Variants in OSBPL10 observed in about 807,000 individuals in gnomAD.
OSBPL10 encodes oxysterol binding protein like 10, also known as oxysterol-binding protein-related protein 10.
In OSBPL10, 49 loss-of-function variants were observed where a neutral mutation model predicts 81.7. That is an observed-to-expected ratio of 0.60 (90% CI 0.48 to 0.76). OSBPL10 has a LOEUF of 0.76. Ranked by LOEUF, OSBPL10 falls within the 30% of genes least tolerant of loss-of-function variation. The pLI is 0.00. For missense variants in OSBPL10, 923 were observed against 987.8 expected (o/e 0.93, Z 0.88); for synonymous variants, 419 against 383.6 (o/e 1.09, Z -1.08).
chr3:31,823,994 G>C (rs1008623213), intron 4 of OSBPL10, among the ~76,000 whole-genome samples: 1 of 152,044 alleles, frequency 6.6e-6, no homozygotes, highest in Non-Finnish European at 1.5e-5. Context: ...TGGAACCACA[G>C]GTTCATGCCA....
At chr3:31,923,770 G>C (rs1377842984) in intron 1 of OSBPL10, among the ~76,000 whole-genome samples, 1 of 152,140 alleles carries the variant, frequency 6.6e-6, no homozygotes, top group East Asian at 1.9e-4. Flanking sequence ...CTCAATGACA[G>C]AGCGAGATCC....
At chr3:31,710,007 A>G (rs909417642) in intron 6 of OSBPL10, among the ~76,000 whole-genome samples, 2 of 152,238 alleles carry the variant, frequency 1.3e-5, no homozygotes, top group Non-Finnish European at 2.9e-5. Flanking sequence ...CAGGAAGCTC[A>G]TGAGTATTTG....
chr3:31,979,771 C>A (rs1184097660), intron 1 of OSBPL10, among the ~76,000 whole-genome samples: 1 of 151,896 alleles, frequency 6.6e-6, no homozygotes, highest in Non-Finnish European at 1.5e-5. Context: ...GTCTTCCTCA[C>A]GATGGCAGAT....
intron 8 of OSBPL10, among the ~76,000 whole-genome samples, chr3:31,680,959 C>G (rs889067374): frequency 3.9e-5 from 6 of 152,164 alleles, no homozygotes; most frequent in Non-Finnish European, 8.8e-5. Flanking sequence ...ATACTGCACT[C>G]TTACAGAAGA....
chr3:31,766,985 AG>A, intron 4 of OSBPL10, among the ~76,000 whole-genome samples: 1 of 152,284 alleles, frequency 6.6e-6, no homozygotes, highest in Middle Eastern at 3.4e-3. Flanking sequence ...GTTATAGAGG[AG>A]ATTAAAAAGA....
At chr3:31,799,678 C>T (rs187854321) in intron 4 of OSBPL10, among the ~76,000 whole-genome samples, 99 of 152,268 alleles carry the variant, frequency 6.5e-4, no homozygotes, top group African/African-American at 2.1e-3. Context: ...AATAAAGCCT[C>T]AAGGAACTTA....
intron 4 of OSBPL10, among the ~76,000 whole-genome samples, chr3:31,771,823 C>A (rs542179790): frequency 5.6e-4 from 85 of 152,308 alleles, no homozygotes; most frequent in African/African-American, 2.0e-3. Flanking sequence ...TCCCGGCCTT[C>A]TCCCTATAAC....
chr3:31,937,258 G>A (rs1697400599), intron 1 of OSBPL10, among the ~76,000 whole-genome samples: 1 of 151,292 alleles, frequency 6.6e-6, no homozygotes, highest in Non-Finnish European at 1.5e-5. Context: ...CACCCAGCCT[G>A]GGCAAGAGAC....
At chr3:31,953,552 T>C (rs1426773322) in intron 1 of OSBPL10, among the ~76,000 whole-genome samples, 38 of 151,932 alleles carry the variant, frequency 2.5e-4, no homozygotes, top group Admixed American at 2.5e-3. Flanking sequence ...GGACTACAGA[T>C]GCATGCCACC....
chr3:31,927,275 AT>A (rs1391870785), intron 1 of OSBPL10, among the ~76,000 whole-genome samples: 1 of 152,254 alleles, frequency 6.6e-6, no homozygotes, highest in Non-Finnish European at 1.5e-5. Flanking sequence ...CGTCACTATT[AT>A]ATGTAAAAGA....
chr3:31,871,743 GC>G (rs1559499945), intron 3 of OSBPL10, among the ~76,000 whole-genome samples: 1 of 152,154 alleles, frequency 6.6e-6, no homozygotes, highest in Non-Finnish European at 1.5e-5. Flanking sequence ...TGTGCCTGTG[GC>G]CCCAGCTGCT....
chr3:31,748,577 C>G (rs560635749), intron 4 of OSBPL10, among the ~76,000 whole-genome samples: 37 of 146,500 alleles, frequency 2.5e-4, no homozygotes, highest in African/African-American at 9.3e-4. Flanking sequence ...GAAGGGAAAT[C>G]TGGGGCTGGT....
intron 1 of OSBPL10, among the ~76,000 whole-genome samples, chr3:31,962,870 G>A (rs35164829): frequency 7.2e-5 from 11 of 152,066 alleles, no homozygotes; most frequent in African/African-American, 1.4e-4. Context: ...CCTACTATGC[G>A]CCAGGCACTG....
chr3:32,038,620 C>T (rs778978345), intron 2 of OSBPL10, among the ~76,000 whole-genome samples: 1 of 152,102 alleles, frequency 6.6e-6, no homozygotes, highest in Non-Finnish European at 1.5e-5. Context: ...TCACACCCAG[C>T]CAGAAAAAGC....
chr3:31,774,498 TTC>T (rs946364904), intron 4 of OSBPL10, among the ~76,000 whole-genome samples: 1 of 141,178 alleles, frequency 7.1e-6, no homozygotes. Flanking sequence ...CTCTTTTGTT[TTC>T]TGTTTTTGTT....
At chr3:31,907,619 C>CAAAAAAAAAAAAAAAA (rs142840420) in intron 1 of OSBPL10, among the ~76,000 whole-genome samples, 3 of 63,870 alleles carry the variant, frequency 4.7e-5, no homozygotes, top group African/African-American at 2.1e-4. Flanking sequence ...ACCTCCATCT[C>CAAAAAAAAAAAAAAAA]AAAAAAAAAA....
At chr3:31,915,177 A>G (rs888932543) in intron 1 of OSBPL10, among the ~76,000 whole-genome samples, 20 of 151,926 alleles carry the variant, frequency 1.3e-4, no homozygotes, top group South Asian at 8.3e-4. Flanking sequence ...TTTTTAATAA[A>G]TAGCCATTGA....
intron 1 of OSBPL10, among the ~76,000 whole-genome samples, chr3:32,067,905 C>A (rs1326716964): frequency 6.6e-6 from 1 of 152,166 alleles, no homozygotes; most frequent in African/African-American, 2.4e-5. Context: ...GTTTAGTGGT[C>A]TCTTCACACA....
intron 1 of OSBPL10, among the ~76,000 whole-genome samples, chr3:31,974,164 A>G (rs1477918499): frequency 6.6e-6 from 1 of 152,196 alleles, no homozygotes; most frequent in African/African-American, 2.4e-5. Context: ...TGACATCCCA[A>G]TGGCCGATTA....
Sources: gnomAD v4.1 joint callset for allele counts (sites outside exome capture counted in the v4.1 genomes callset) on GRCh38, gnomAD v4.1.1 for gene constraint, MANE v1.5 for transcripts, NCBI Gene and HGNC (gene_info 2026-07-23, HGNC 2026-07-21) for gene names.